Variants in MED13L observed in about 807,000 individuals in gnomAD.
MED13L encodes mediator complex subunit 13L.
MED13L carries 7 observed loss-of-function variants against 220.9 expected under a neutral mutation model. That is an observed-to-expected ratio of 0.03 (90% confidence interval 0.02 to 0.06). The LOEUF is 0.06. Among genes scored for constraint, MED13L ranks in the 10% least tolerant of loss-of-function variants. MED13L has a pLI of 1.00. For synonymous variants in MED13L, 1,011 were observed against 1,015.2 expected (o/e 1.00, Z 0.08); for missense variants, 1,965 against 2,760.5 (o/e 0.71, Z 6.46).
rs1408549700 is a variant in MED13L, at chr12:116,277,364, G to T, written c.-233C>A. On this transcript the variant is annotated 5_prime_UTR_variant, in exon 1 of 31. Transcript: ENST00000281928. ...GCGCGCGCCCCGGGCCGGCGCTGCGGGCCGGCCACCGCCTCCGCCTTCCCT... is the reference window on the plus strand; with the variant it reads ...GCGCGCGCCCCGGGCCGGCGCTGCGTGCCGGCCACCGCCTCCGCCTTCCCT... 2 of 3,820 alleles carry T rather than the reference G, an allele frequency of 5.2e-4. No individual in the cohort carries two copies. Among genetic ancestry groups the T allele is most frequent in the Non-Finnish European group, 1.1e-3 (2 of 1,896 alleles). The allele number at this position is 3,820 out of a possible 1,614,324, so 0.2% of individuals were successfully genotyped here. A position where few individuals can be genotyped will look rare whatever the true frequency, so the allele number is the denominator to read the frequency against.
intron 8 of MED13L, 93 bp from the exon 9 acceptor site, chr12:116,012,994 T>C (rs1373757501): frequency 3.5e-6 from 3 of 868,944 alleles, no homozygotes; most frequent in East Asian, 2.5e-5. Flanking sequence ...TTCATTCACA[T>C]AGTAATGGTA....
chr12:116,104,050 G>A (rs988188778), intron 3 of MED13L, among the ~76,000 whole-genome samples: 3 of 110,410 alleles, frequency 2.7e-5, no homozygotes, highest in Non-Finnish European at 5.0e-5. Flanking sequence ...CACTCTTGTC[G>A]CCCAGACTGG....
Position 115,959,235 on chromosome 12 carries a change from TAAATA to T in MED13L, c.*2026_*2030del, listed in dbSNP as rs1457947958. ...CCAGCTTTTCTTAACTTAAAAAACT[TAAATA>T]AAAGACACCAGATGAAAACTACCCT... is the stretch of plus-strand genomic sequence containing the variant. On this transcript the variant is annotated 3_prime_UTR_variant, in exon 31 of 31. Coordinates refer to ENST00000281928, the MANE Select transcript of MED13L (RefSeq NM_015335.5). The T allele has an allele frequency of 6.6e-6, 1 of 152,590 alleles. No homozygotes were observed. The allele number at this position is 152,590 out of a possible 1,614,324, so 9.5% of individuals were successfully genotyped here.
At chr12:116,052,940 T>C (rs1466934533) in intron 4 of MED13L, among the ~76,000 whole-genome samples, 1 of 152,192 alleles carries the variant, frequency 6.6e-6, no homozygotes, top group Non-Finnish European at 1.5e-5. Flanking sequence ...AACATATTAA[T>C]AGTAAGTCAT....
At chr12:116,266,795 A>G (rs2138576108) in intron 1 of MED13L, among the ~76,000 whole-genome samples, 1 of 152,330 alleles carries the variant, frequency 6.6e-6, no homozygotes, top group South Asian at 2.1e-4. Context: ...CTCTAGATAC[A>G]ACTTAAGACA....
chr12:116,012,741 T>C, intron 9 of MED13L, 56 bp downstream of exon 9: 1 of 1,220,514 alleles, frequency 8.2e-7, no homozygotes, highest in Non-Finnish European at 1.2e-6. Flanking sequence ...AGGAGATGAA[T>C]CAACAAGATG....
At chr12:116,027,191 G>T (rs1277459885) in intron 4 of MED13L, among the ~76,000 whole-genome samples, 1 of 152,198 alleles carries the variant, frequency 6.6e-6, no homozygotes, top group African/African-American at 2.4e-5. Context: ...GGGAGGCAGA[G>T]TTGGGCAGAT....
intron 4 of MED13L, among the ~76,000 whole-genome samples, chr12:116,051,238 T>C (rs1868486364): frequency 6.6e-6 from 1 of 150,840 alleles, no homozygotes. Context: ...AGGCCAGGCA[T>C]GGTGGCTCAC....
Position 115,961,049 on chromosome 12 carries a change from A to T in MED13L, c.*217T>A. On this transcript the variant is annotated 3_prime_UTR_variant, in exon 31 of 31. Transcript: ENST00000281928. ...CCGCACTGGCTGAAAGTCACCACTT[A>T]TGGAAGTTTCCAGGTCCATGAGAGA... The T allele has an allele frequency of 1.6e-6, 1 of 641,682 alleles. No individual in the cohort carries two copies. The highest frequency in any genetic ancestry group is 2.7e-6 in the Non-Finnish European group (1 of 368,628). 39.7% of individuals were successfully genotyped at this position (641,682 alleles called of 1,614,324 possible). A position where few individuals can be genotyped will look rare whatever the true frequency, so the allele number is the denominator to read the frequency against.
chr12:116,276,728 G>T, intron 1 of MED13L: 1 of 743,392 alleles, frequency 1.3e-6, no homozygotes, highest in Non-Finnish European at 1.9e-6. Context: ...AAAAAAGGGG[G>T]GAAAGGGGAG....
At chr12:116,120,015 G>A (rs1401473799) in intron 2 of MED13L, among the ~76,000 whole-genome samples, 1 of 151,572 alleles carries the variant, frequency 6.6e-6, no homozygotes, top group South Asian at 2.1e-4. Flanking sequence ...TCCTCAAGGG[G>A]AAGCAATTTA....
chr12:115,970,869 G>A, intron 26 of MED13L, 99 bp from the exon 27 acceptor site: 1 of 1,157,000 alleles, frequency 8.6e-7, no homozygotes, highest in South Asian at 1.3e-5. Context: ...TGATGAAAAT[G>A]CCATGATAAA....
At chr12:116,120,440 T>TTCTCTCTC (rs67306353) in intron 2 of MED13L, among the ~76,000 whole-genome samples, 13 of 98,386 alleles carry the variant, frequency 1.3e-4, no homozygotes, top group African/African-American at 3.5e-4. Flanking sequence ...TAATCTCTCT[T>TTCTCTCTC]TCTCTCTCTC....
At chr12:116,094,728 T>C (rs1872519059) in intron 4 of MED13L, among the ~76,000 whole-genome samples, 1 of 152,166 alleles carries the variant, frequency 6.6e-6, no homozygotes, top group African/African-American at 2.4e-5. Flanking sequence ...CATGGACAGA[T>C]GTACTCAGAA....
At chr12:116,183,803 G>GGGGT (rs1555220606) in intron 2 of MED13L, among the ~76,000 whole-genome samples, 1 of 110,092 alleles carries the variant, frequency 9.1e-6, no homozygotes, top group East Asian at 2.4e-4. Context: ...TAGAAAAAAT[G>GGGGT]GTGTGTGTGT....
At position 115,983,432 on chromosome 12, in the gene MED13L, G is replaced by A. The variant is rs1396691718; in HGVS notation, c.4640C>T (p.Pro1547Leu). Residue 1547 changes from proline to leucine, a missense_variant, in exon 21 of 31, where the codon CCC becomes CTC. This residue lies in a region of MED13L where 510 missense variants were observed against 620.4 expected (regional missense o/e 0.82). Transcript: ENST00000281928. ...QGQATPGNAG[P>L]LAPNGSAAPP... ...AGCTGCTGATCCATTTGGAGCTAAG[G>A]GCCCAGCATTCCCTGGCGTAGCTTG... 1.2e-6 allele frequency: 2 copies of A among 1,614,088 alleles called. No individual in the cohort carries two copies. Among genetic ancestry groups the A allele is most frequent in the Non-Finnish European group, 1.7e-6 (2 of 1,180,020 alleles).
At chr12:116,124,122 A>AGAGAGAGAGAGAGAGAGAGAGAG (rs1565888715) in intron 2 of MED13L, among the ~76,000 whole-genome samples, 1 of 91,224 alleles carries the variant, frequency 1.1e-5, no homozygotes, top group Non-Finnish European at 2.3e-5. Context: ...AGAGAGAAAG[A>AGAGAGAGAGAGAGAGAGAGAGAG]CGAGAGAGAG....
intron 4 of MED13L, among the ~76,000 whole-genome samples, chr12:116,051,721 A>C (rs1868523418): frequency 6.6e-6 from 1 of 152,202 alleles, no homozygotes; most frequent in Admixed American, 6.5e-5. Flanking sequence ...ATTTTGCACA[A>C]TATGTTAAAT....
intron 2 of MED13L, among the ~76,000 whole-genome samples, chr12:116,187,572 A>T (rs1036916289): frequency 6.6e-6 from 1 of 152,166 alleles, no homozygotes; most frequent in African/African-American, 2.4e-5. Context: ...CAAAAGTTCA[A>T]TTTATCAGGT....
Sources: allele counts gnomAD v4.1 joint callset (sites outside exome capture counted in the v4.1 genomes callset), GRCh38; gene constraint gnomAD v4.1.1; regional missense constraint gnomAD v4.1.1; transcripts MANE v1.5; gene names NCBI Gene and HGNC (gene_info 2026-07-23, HGNC 2026-07-21).